STK33: variants seen among roughly 807,000 people sequenced by gnomAD.
STK33 encodes the protein serine/threonine kinase 33, also known as serine/threonine-protein kinase 33.
Under a neutral mutation model 58.0 loss-of-function variants are expected in STK33, and 52 were observed. The observed-to-expected ratio is 0.90, with a 90% CI of 0.72 to 1.13. The LOEUF (loss-of-function observed/expected upper bound fraction) is 1.13, where lower values mean the gene tolerates loss of function less well. Among genes scored for constraint, STK33 ranks in the 50% most tolerant of loss-of-function variants. The probability of loss-of-function intolerance (pLI) is 0.00; values close to 1 mark genes in which losing one functional copy is unlikely to be tolerated. For synonymous variants in STK33, 215 were observed against 200.1 expected, an observed-to-expected ratio of 1.07 and a Z score of -0.63; for missense variants, 630 against 604.2, an observed-to-expected ratio of 1.04 and a Z score of -0.45.
At chr11:8,390,953 T>C (rs929453022), downstream of STK33, among the ~76,000 whole-genome samples, 1 of 152,208 alleles carries the variant, frequency 6.6e-6, no homozygotes, top group African/African-American at 2.4e-5. Context: ...GCCCAGGGAA[T>C]AGGCAGAATC....
At position 8,520,428 on chromosome 11, in the gene STK33, T is replaced by G. The variant is rs549148104; in HGVS notation, c.-465-39814A>C. 2.0e-5 allele frequency among the ~76,000 whole-genome samples: 3 copies of G among 152,250 alleles called. No individual in the cohort carries two copies. The South Asian group carries it at 6.2e-4, about 32-fold the overall frequency. On this transcript the variant is annotated intron_variant, in intron 1 of 15. Coordinates refer to ENST00000687296, the MANE Select transcript of STK33 (RefSeq NM_001352389.2). ...AACTGGAAGCATTCCCTTTGAAAAC[T>G]GGCACAAGACAGGGATGCCCTCTCT...
chr11:8,451,194 A>C (rs1946231960), intron 11 of STK33, among the ~76,000 whole-genome samples: 1 of 152,238 alleles, frequency 6.6e-6, no homozygotes, highest in Non-Finnish European at 1.5e-5. Context: ...ACATAAACTT[A>C]ACATATGATC....
intron 1 of STK33, among the ~76,000 whole-genome samples, chr11:8,585,320 G>A (rs1318839139): frequency 6.8e-6 from 1 of 147,770 alleles, no homozygotes; most frequent in Non-Finnish European, 1.5e-5. Context: ...TGCCTCCCAG[G>A]TTCAAGCAAT....
chr11:8,453,468 TTAC>T (rs2136976473), intron 10 of STK33, among the ~76,000 whole-genome samples: 1 of 152,284 alleles, frequency 6.6e-6, no homozygotes, highest in South Asian at 2.1e-4. Context: ...ATTAAAACAA[TTAC>T]TACACTATTA....
chr11:8,474,655 T>C (rs1481414729), intron 5 of STK33, 26 bp downstream of exon 5: 1 of 1,551,644 alleles, frequency 6.4e-7, no homozygotes, highest in Non-Finnish European at 8.8e-7. Context: ...CAACTTGTGC[T>C]TAGATGTGGA....
At chr11:8,522,664 AG>A (rs1254462157) in intron 1 of STK33, among the ~76,000 whole-genome samples, 2 of 152,238 alleles carry the variant, frequency 1.3e-5, no homozygotes, top group Non-Finnish European at 2.9e-5. Flanking sequence ...TAGAAAAGCA[AG>A]ATTACATCAA....
At chr11:8,401,606 C>A (rs1937974275) in intron 15 of STK33, among the ~76,000 whole-genome samples, 5 of 152,142 alleles carry the variant, frequency 3.3e-5, no homozygotes, top group Admixed American at 3.3e-4. Flanking sequence ...CAACAAAAGT[C>A]AAAATTGACA....
chr11:8,523,360 C>T (rs1351334741), intron 1 of STK33, among the ~76,000 whole-genome samples: 2 of 150,098 alleles, frequency 1.3e-5, no homozygotes, highest in African/African-American at 2.5e-5. Context: ...CGTCTCTGCC[C>T]GGCCGCCCAT....
chr11:8,377,784 T>C, the STK33 span, among the ~76,000 whole-genome samples: 1 of 152,200 alleles, frequency 6.6e-6, no homozygotes, highest in African/African-American at 2.4e-5. Flanking sequence ...ATAAAATCAA[T>C]GTACACAAAT....
At chr11:8,391,054 C>G (rs1848614268), downstream of STK33, among the ~76,000 whole-genome samples, 1 of 152,226 alleles carries the variant, frequency 6.6e-6, no homozygotes, top group Non-Finnish European at 1.5e-5. Flanking sequence ...GGTGACGGAA[C>G]TGCAGTGCAC....
intron 1 of STK33, among the ~76,000 whole-genome samples, chr11:8,551,160 T>C (rs1344004703): frequency 6.6e-6 from 1 of 152,076 alleles, no homozygotes; most frequent in East Asian, 1.9e-4. Flanking sequence ...GACAGAGTCT[T>C]GTTCTATTAC....
intron 1 of STK33, chr11:8,580,711 A>G (rs1354197390): frequency 6.6e-6 from 1 of 152,172 alleles, no homozygotes; most frequent in Non-Finnish European, 1.5e-5. Context: ...TTGCTTGCCT[A>G]TATCAAAGTA....
At chr11:8,504,402 T>C (rs1346563733) in intron 1 of STK33, among the ~76,000 whole-genome samples, 1 of 152,182 alleles carries the variant, frequency 6.6e-6, no homozygotes, top group Non-Finnish European at 1.5e-5. Context: ...GCGGTTGTAA[T>C]GTGCTAAAGC....
At chr11:8,441,212 T>A (rs994151458) in intron 11 of STK33, among the ~76,000 whole-genome samples, 1 of 152,082 alleles carries the variant, frequency 6.6e-6, no homozygotes, top group Non-Finnish European at 1.5e-5. Flanking sequence ...ATAGCATCAC[T>A]CCTATAACAG....
At chr11:8,509,764 G>A (rs1210264368) in intron 1 of STK33, among the ~76,000 whole-genome samples, 1 of 152,002 alleles carries the variant, frequency 6.6e-6, no homozygotes, top group Non-Finnish European at 1.5e-5. Flanking sequence ...ATGATAGTTG[G>A]TTTTCCTTTC....
At chr11:8,583,236 C>T (rs1417498034) in intron 1 of STK33, among the ~76,000 whole-genome samples, 2 of 152,130 alleles carry the variant, frequency 1.3e-5, no homozygotes, top group Non-Finnish European at 2.9e-5. Flanking sequence ...GTTGTCTTTT[C>T]TACAACCCCA....
chr11:8,392,688 A>T lies in STK33; in HGVS notation c.1367T>A (p.Phe456Tyr), dbSNP rs770482515. 3 of 1,614,186 alleles carry T rather than the reference A, an allele frequency of 1.9e-6. No individual in the cohort carries two copies. Among genetic ancestry groups the T allele is most frequent in the Admixed American group, 3.3e-5 (2 of 60,022 alleles). The change falls in exon 16 of 16, where the codon TTT (phenylalanine) becomes TAT (tyrosine). Residue 456 changes from phenylalanine (F) to tyrosine (Y), a missense_variant. Transcript: ENST00000687296. ...EKQSTAYEKQ[F>Y]PATSKDNFDM... Reference sequence around the variant, plus strand: ...AAAGTTGTCCTTACTGGTTGCAGGAAATTGCTTTTCATAAGCAGTAGACTG... The same window carrying T: ...AAAGTTGTCCTTACTGGTTGCAGGATATTGCTTTTCATAAGCAGTAGACTG...
chr11:8,395,170 T>TC (rs1401331250), intron 15 of STK33, among the ~76,000 whole-genome samples: 1 of 152,186 alleles, frequency 6.6e-6, no homozygotes, highest in Non-Finnish European at 1.5e-5. Context: ...TTTGGCTGTG[T>TC]CCCCACCCAA....
chr11:8,439,390 A>G (rs1314559823), intron 12 of STK33, among the ~76,000 whole-genome samples: 1 of 152,144 alleles, frequency 6.6e-6, no homozygotes, highest in African/African-American at 2.4e-5. Flanking sequence ...GGATTTACAC[A>G]TGTGTAAACC....
Sources: gnomAD v4.1 joint callset for allele counts (sites outside exome capture counted in the v4.1 genomes callset) on GRCh38, gnomAD v4.1.1 for gene constraint, MANE v1.5 for transcripts, NCBI Gene and HGNC (gene_info 2026-07-23, HGNC 2026-07-21) for gene names.